Variants in EMB observed in about 807,000 individuals in gnomAD.
EMB encodes embigin homolog.
In EMB, 31 loss-of-function variants were observed where a neutral mutation model predicts 41.4. The ratio of observed to expected loss-of-function variants is 0.75; its 90% confidence interval spans 0.56 to 1.01. EMB has a LOEUF of 1.01. EMB is among the 50% of genes least tolerant of loss of function. The probability of loss-of-function intolerance (pLI) is 0.00; values close to 1 mark genes in which losing one functional copy is unlikely to be tolerated. For missense variants in EMB, 379 were observed against 388.3 expected (o/e 0.98, Z 0.20); for synonymous variants, 137 against 140.4 (o/e 0.98, Z 0.17).
In EMB at chr5:50,405,613, A is replaced by G. The variant is rs1326320025; in HGVS notation, c.600+112T>C. 30 of 1,398,836 alleles carry G rather than the reference A, an allele frequency of 2.1e-5. No individual in the cohort carries two copies. In the South Asian group the frequency reaches 2.2e-4, roughly 10 times the overall value. 86.7% of individuals were successfully genotyped at this position (1,398,836 alleles called of 1,614,324 possible). On this transcript the variant is annotated intron_variant, in intron 5 of 8. Transcript: ENST00000303221. ...TTATGAACATAAGCTAAACAACAAG[A>G]TAACAAAAGTATAAATCATCTTAGG...
chr5:50,397,123 A>C lies in EMB; in HGVS notation c.*2150T>G, dbSNP rs1179359919. 1 of 152,100 alleles carries C rather than the reference A, an allele frequency of 6.6e-6. No homozygotes were observed. Among genetic ancestry groups the C allele is most frequent in the Non-Finnish European group, 1.5e-5 (1 of 68,018 alleles). The allele number at this position is 152,100 out of a possible 1,614,324, so 9.4% of individuals were successfully genotyped here. ...AATTCCCCAAGGTGCCTAATATATA[A>C]ACTTGGAGTAGTTTTCCTACTTCAA... On this transcript the variant is annotated 3_prime_UTR_variant, in exon 9 of 9. Transcript: ENST00000303221.
chr5:50,423,593 T>C (rs1745561124), intron 2 of EMB, among the ~76,000 whole-genome samples: 1 of 152,242 alleles, frequency 6.6e-6, no homozygotes. Context: ...TTGTGACATG[T>C]TGAGACATGT....
intron 2 of EMB, among the ~76,000 whole-genome samples, chr5:50,417,084 CT>C (rs1561135401): frequency 6.6e-6 from 1 of 152,184 alleles, no homozygotes; most frequent in African/African-American, 2.4e-5. Flanking sequence ...CACCAGCTCA[CT>C]CTTGAATTCT....
intron 2 of EMB, among the ~76,000 whole-genome samples, chr5:50,419,852 A>G (rs1034028058): frequency 1.3e-5 from 2 of 152,234 alleles, no homozygotes; most frequent in African/African-American, 4.8e-5. Flanking sequence ...TGCAGCCACA[A>G]AAAGGAACAA....
At chr5:50,407,350 G>A (rs980758454) in intron 4 of EMB, among the ~76,000 whole-genome samples, 2 of 150,752 alleles carry the variant, frequency 1.3e-5, no homozygotes, top group African/African-American at 4.9e-5. Flanking sequence ...TGGAAGCTGC[G>A]AGGCGCTTTT....
chr5:50,406,374 G>T (rs1453488611), intron 4 of EMB, among the ~76,000 whole-genome samples: 1 of 151,582 alleles, frequency 6.6e-6, no homozygotes, highest in East Asian at 1.9e-4. Context: ...GCGTAAGAAA[G>T]AAAATAAGAT....
intron 2 of EMB, among the ~76,000 whole-genome samples, chr5:50,413,605 G>A (rs1745380255): frequency 6.7e-6 from 1 of 149,738 alleles, no homozygotes; most frequent in Non-Finnish European, 1.5e-5. Flanking sequence ...TTTTGAGATG[G>A]AGCCTCGTTG....
At chr5:50,425,994 A>T (rs1159657783) in intron 2 of EMB, among the ~76,000 whole-genome samples, 2 of 152,196 alleles carry the variant, frequency 1.3e-5, no homozygotes, top group Non-Finnish European at 2.9e-5. Context: ...CAATAGCTTT[A>T]TTACTAAATA....
chr5:50,428,000 T>C, intron 2 of EMB, 144 bp downstream of exon 2: 1 of 580,550 alleles, frequency 1.7e-6, no homozygotes, highest in Non-Finnish European at 3.0e-6. Flanking sequence ...CACATTAGAT[T>C]CCCAGCTCAC....
Position 50,428,176 on chromosome 5 carries a change from A to T in EMB, c.164T>A (p.Phe55Tyr). 1 of 1,612,186 alleles carries T rather than the reference A, an allele frequency of 6.2e-7. No individual in the cohort carries two copies. The highest frequency in any genetic ancestry group is 8.5e-7 in the Non-Finnish European group (1 of 1,178,472). ...TGATATGTTATGACTCTCCAAGGAA[A>T]AGTTATTTGCCATTATTTCTTCTCT... ...PLREEIMANN[F>Y]SLESHNISLT... Residue 55 changes from phenylalanine (F) to tyrosine (Y), a missense_variant, in exon 2 of 9, where the codon TTT (phenylalanine) becomes TAT (tyrosine). Phe to Tyr is a conservative substitution (Grantham distance 22). Transcript: ENST00000303221.
At position 50,396,683 on chromosome 5, in the gene EMB, C is replaced by A. The variant is rs1301190172; in HGVS notation, c.*2590G>T. ...TTAAGAAATGGCAAAGGTGAGCCTA[C>A]AGAGATTCCAAAGTTGCATAGTGAG... On this transcript the variant is annotated 3_prime_UTR_variant, in exon 9 of 9. Transcript: ENST00000303221. 6.6e-6 allele frequency: 1 copy of A among 152,090 alleles called. No homozygotes were observed. Among genetic ancestry groups the A allele is most frequent in the African/African-American group, 2.4e-5 (1 of 41,420 alleles). 9.4% of individuals were successfully genotyped at this position (152,090 alleles called of 1,614,324 possible).
At chr5:50,442,369 CAG>C (rs541275273), upstream of EMB, among the ~76,000 whole-genome samples, 32 of 152,192 alleles carry the variant, frequency 2.1e-4, no homozygotes, top group African/African-American at 6.7e-4. Flanking sequence ...ACTTTGGAAA[CAG>C]AATGTAGATT....
chr5:50,414,119 C>T (rs566651964), intron 2 of EMB, among the ~76,000 whole-genome samples: 22 of 152,140 alleles, frequency 1.4e-4, no homozygotes, highest in East Asian at 7.7e-4. Flanking sequence ...GTTTGGAAGA[C>T]GGTAGTATAT....
intron 2 of EMB, among the ~76,000 whole-genome samples, chr5:50,414,494 C>T (rs1250705314): frequency 7.9e-6 from 1 of 126,540 alleles, no homozygotes; most frequent in African/African-American, 3.1e-5. Context: ...TACTGCACGC[C>T]AGGCAAGGTG....
chr5:50,408,441 T>A (rs567374235), intron 4 of EMB, among the ~76,000 whole-genome samples: 1 of 151,952 alleles, frequency 6.6e-6, no homozygotes, highest in Non-Finnish European at 1.5e-5. Context: ...GCGAAACACA[T>A]AAAGTCAGCA....
rs1276250600 is a variant in EMB at position 50,428,029 on chromosome 5, C to A, written c.196+115G>T. 7 of 673,864 alleles carry A rather than the reference C, an allele frequency of 1.0e-5. No homozygotes were observed. The East Asian group carries it at 1.9e-4, about 19-fold the overall frequency. The allele number at this position is 673,864 out of a possible 1,614,324, so 41.7% of individuals were successfully genotyped here. Reference sequence around the variant, plus strand: ...AGCTCACTACTGGTATGTTTTCCCACCAGGCCAGGAACAGGGATTACCACT... The same window carrying A: ...AGCTCACTACTGGTATGTTTTCCCAACAGGCCAGGAACAGGGATTACCACT... On this transcript the variant is annotated intron_variant, in intron 2 of 8. Transcript: ENST00000303221.
intron 1 of EMB, among the ~76,000 whole-genome samples, chr5:50,432,732 A>G (rs1264762011): frequency 6.8e-6 from 1 of 147,524 alleles, no homozygotes; most frequent in Non-Finnish European, 1.5e-5. Flanking sequence ...GATTCATCCA[A>G]AAAAGAAGAA....
chr5:50,432,749 G>GAAAAAAAAAAA (rs1745740877), intron 1 of EMB, among the ~76,000 whole-genome samples: 1 of 49,980 alleles, frequency 2.0e-5, no homozygotes, highest in Non-Finnish European at 4.6e-5. Flanking sequence ...AGAAAAACAA[G>GAAAAAAAAAAA]TAAAAAAAAA....
chr5:50,423,438 T>TA (rs1353736605), intron 2 of EMB, among the ~76,000 whole-genome samples: 1 of 152,220 alleles, frequency 6.6e-6, no homozygotes, highest in African/African-American at 2.4e-5. Context: ...TTTGTCTTTT[T>TA]AAAAAACAGT....
Sources: allele counts gnomAD v4.1 joint callset (sites outside exome capture counted in the v4.1 genomes callset), GRCh38; gene constraint gnomAD v4.1.1; transcripts MANE v1.5; gene names NCBI Gene and HGNC (gene_info 2026-07-23, HGNC 2026-07-21).